The following ATP2B4 variants were observed in gnomAD, a reference collection of about 807,000 sequenced individuals.
The protein encoded by ATP2B4 is plasma membrane calcium-transporting ATPase 4.
Under a neutral mutation model 110.3 loss-of-function variants are expected in ATP2B4, and 39 were observed. The ratio of observed to expected loss-of-function variants is 0.35; its 90% CI spans 0.27 to 0.46. ATP2B4 has a LOEUF of 0.46. ATP2B4 is among the 20% of genes least tolerant of loss of function. The pLI is 1.00. For synonymous variants in ATP2B4, 538 were observed against 571.7 expected, an observed-to-expected ratio of 0.94 and a Z score of 0.84; for missense variants, 1,135 against 1,530.9, an observed-to-expected ratio of 0.74 and a Z score of 4.32.
In ATP2B4 at chr1:203,742,583, T is replaced by A. The variant is rs1210160894; in HGVS notation, c.*2729T>A. ...AAACCTAGAAAAACGGGTAGTAAAC[T>A]GTGGATAGTCAGGAAAACACCCAGC... On this transcript the variant is annotated 3_prime_UTR_variant, in exon 21 of 21. Transcript: ENST00000357681. 6.6e-6 allele frequency: 1 copy of A among 152,562 alleles called. No homozygotes were observed. The highest frequency in any genetic ancestry group is 2.4e-5 in the African/African-American group (1 of 41,408). 9.5% of individuals were successfully genotyped at this position (152,562 alleles called of 1,614,324 possible).
intron 5 of ATP2B4, 104 bp from the exon 6 acceptor site, chr1:203,700,694 T>C: frequency 6.9e-7 from 1 of 1,451,642 alleles, no homozygotes; most frequent in South Asian, 1.2e-5. Flanking sequence ...TCATTATCCA[T>C]GGGGTAGGGA....
intron 2 of ATP2B4, among the ~76,000 whole-genome samples, chr1:203,696,799 G>T (rs577588423): frequency 1.3e-5 from 2 of 152,208 alleles, no homozygotes; most frequent in African/African-American, 2.4e-5. Flanking sequence ...TATCTGTGTG[G>T]TATGTATTGT....
rs118133386 is a variant in ATP2B4 at position 203,708,486 on chromosome 1, T to C, written c.1557+382T>C. ...CAAGGCGAGACACCAGCACTACCAC[T>C]AGAGCAAACTACAAAATCCCTAAGC... On this transcript the variant is annotated intron_variant, in intron 10 of 20. Transcript: ENST00000357681. Among the ~76,000 whole-genome samples the C allele has an allele frequency of 4.1e-4, 63 of 152,208 alleles. No individual in the cohort carries two copies. In the East Asian group the frequency reaches 0.011, roughly 27 times the overall value.
intron 1 of ATP2B4, among the ~76,000 whole-genome samples, chr1:203,671,434 T>A (rs1664657852): frequency 6.6e-6 from 1 of 152,218 alleles, no homozygotes; most frequent in Admixed American, 6.5e-5. Context: ...AGAGCACGAT[T>A]ATAGGCGTGA....
intron 1 of ATP2B4, among the ~76,000 whole-genome samples, chr1:203,648,552 A>G (rs1558014633): frequency 6.6e-6 from 1 of 152,202 alleles, no homozygotes; most frequent in Non-Finnish European, 1.5e-5. Flanking sequence ...TACAAATTCA[A>G]GAGTGATAAA....
At chr1:203,672,208 CCTTTTGGAAAGGA>C (rs1664685211) in intron 1 of ATP2B4, among the ~76,000 whole-genome samples, 1 of 152,146 alleles carries the variant, frequency 6.6e-6, no homozygotes, top group Non-Finnish European at 1.5e-5. Context: ...CCGCACCTTC[CCTTTTGGAAAGGA>C]GCTCACCCAC....
intron 1 of ATP2B4, among the ~76,000 whole-genome samples, chr1:203,669,718 T>G (rs1292612003): frequency 6.6e-6 from 1 of 152,330 alleles, no homozygotes; most frequent in African/African-American, 2.4e-5. Flanking sequence ...ATTACAGGCG[T>G]GAGCCACCGT....
In ATP2B4 at chr1:203,741,359, G is replaced by A. The variant is rs751896171; in HGVS notation, c.*1505G>A. The A allele has an allele frequency of 5.2e-5, 8 of 152,528 alleles. No individual in the cohort carries two copies. Among genetic ancestry groups the A allele is most frequent in the Non-Finnish European group, 1.0e-4 (7 of 68,054 alleles). The allele number at this position is 152,528 out of a possible 1,614,324, so 9.4% of individuals were successfully genotyped here. A position where few individuals can be genotyped will look rare whatever the true frequency, so the allele number is the denominator to read the frequency against. On this transcript the variant is annotated 3_prime_UTR_variant, in exon 21 of 21. Transcript: ENST00000357681. ...TGCCCAAAGCATCCCCTTCCCATCT[G>A]CCTCTCAGGAGTTGGGGACTTTGCT...
chr1:203,653,317 T>G (rs1202277051), intron 1 of ATP2B4, among the ~76,000 whole-genome samples: 1 of 152,150 alleles, frequency 6.6e-6, no homozygotes, highest in Non-Finnish European at 1.5e-5. Flanking sequence ...TTCTTGAGGT[T>G]TAACGAGAGA....
Position 203,712,088 on chromosome 1 carries a change from G to A in ATP2B4, c.2160G>A (p.Leu720=), listed in dbSNP as rs376237839. ...CGILTPGDDF[L]CLEGKEFNRL... ...TTCTGACACCTGGGGATGACTTCCT[G>A]TGCTTAGAAGGCAAAGAATTCAACC... Residue 720 remains leucine, a synonymous_variant, in exon 13 of 21, where the codon CTG becomes CTA. Coordinates refer to ENST00000357681, the MANE Select transcript of ATP2B4 (RefSeq NM_001684.5). 1.3e-4 allele frequency: 209 copies of A among 1,614,080 alleles called. 1 individual carries two copies. The highest frequency in any genetic ancestry group is 1.7e-4 in the Admixed American group (10 of 60,006).
chr1:203,703,192 A>G (rs1665746843), intron 7 of ATP2B4, among the ~76,000 whole-genome samples: 1 of 151,720 alleles, frequency 6.6e-6, no homozygotes. Context: ...AGAGAGAGAG[A>G]GAGAGATAAA....
At chr1:203,644,467 T>C (rs908679338) in intron 1 of ATP2B4, among the ~76,000 whole-genome samples, 15 of 152,070 alleles carry the variant, frequency 9.9e-5, no homozygotes, top group African/African-American at 2.9e-4. Flanking sequence ...AGACTGGAAG[T>C]TGGGAAACCT....
rs1016121506 is a variant in ATP2B4 at position 203,734,950 on chromosome 1, G to A, written c.3310-4596G>A. 3.2e-5 allele frequency among the ~76,000 whole-genome samples: 4 copies of A among 124,590 alleles called. No homozygotes were observed. The Admixed American group carries it at 3.3e-4, about 10-fold the overall frequency. The allele number at this position is 124,590 out of a possible 152,430, so 81.7% of individuals were successfully genotyped here. A position where few individuals can be genotyped will look rare whatever the true frequency, so the allele number is the denominator to read the frequency against. ...ACCCAGGAGGCGGAGGTTGCGGTGA[G>A]CCAAGATGCTCTACTGCACTCCAGC... On this transcript the variant is annotated intron_variant, in intron 20 of 20. Transcript: ENST00000357681.
At chr1:203,711,867 C>T in intron 12 of ATP2B4, 93 bp from the exon 13 acceptor site, 1 of 1,450,680 alleles carries the variant, frequency 6.9e-7, no homozygotes, top group Non-Finnish European at 9.4e-7. Context: ...GGGTGCCTTT[C>T]TCCTGTCTGC....
chr1:203,638,305 C>G (rs1459688322), intron 1 of ATP2B4, among the ~76,000 whole-genome samples: 1 of 152,218 alleles, frequency 6.6e-6, no homozygotes, highest in Non-Finnish European at 1.5e-5. Flanking sequence ...CTGGCCTCAG[C>G]AGCGGCCTGC....
intron 2 of ATP2B4, among the ~76,000 whole-genome samples, chr1:203,690,844 A>G (rs1294029104): frequency 6.6e-6 from 1 of 152,106 alleles, no homozygotes; most frequent in Non-Finnish European, 1.5e-5. Flanking sequence ...TAACTAATTC[A>G]CGATGTGAGA....
At chr1:203,690,284 T>G (rs1665327268) in intron 2 of ATP2B4, among the ~76,000 whole-genome samples, 1 of 152,166 alleles carries the variant, frequency 6.6e-6, no homozygotes, top group African/African-American at 2.4e-5. Flanking sequence ...TTCCTCGGTG[T>G]AGCAGATTGA....
chr1:203,686,604 A>G (rs1450542210), intron 2 of ATP2B4, among the ~76,000 whole-genome samples: 1 of 99,230 alleles, frequency 1.0e-5, no homozygotes, highest in Admixed American at 1.2e-4. Context: ...AGGACTCCTA[A>G]CACTGGCACA....
intron 1 of ATP2B4, among the ~76,000 whole-genome samples, chr1:203,662,745 G>A (rs578018281): frequency 6.6e-6 from 1 of 152,180 alleles, no homozygotes; most frequent in Non-Finnish European, 1.5e-5. Context: ...CATTTTTTGG[G>A]TATATCATAA....
Sources: gnomAD v4.1 joint callset for allele counts (sites outside exome capture counted in the v4.1 genomes callset) on GRCh38, gnomAD v4.1.1 for gene constraint, MANE v1.5 for transcripts, NCBI Gene and HGNC (gene_info 2026-07-23, HGNC 2026-07-21) for gene names.